The following HP variants were observed in gnomAD, a reference collection of about 807,000 sequenced individuals.
The protein encoded by HP is haptoglobin alpha(1S)-beta.
HP carries 9 observed loss-of-function variants against 23.2 expected under a neutral mutation model. The ratio of observed to expected loss-of-function variants is 0.39; its 90% CI spans 0.23 to 0.68. The LOEUF (loss-of-function observed/expected upper bound fraction) is 0.68, where lower values mean the gene tolerates loss of function less well. HP is among the 30% of genes least tolerant of loss of function. HP has a pLI of 0.47. For synonymous variants in HP, 155 were observed against 183.3 expected (o/e 0.85, Z 1.25); for missense variants, 433 against 483.6 (o/e 0.90, Z 0.98).
chr16:72,054,611 A>G lies in HP; in HGVS notation c.-42A>G. 5 of 1,606,542 alleles carry G rather than the reference A, an allele frequency of 3.1e-6. No individual in the cohort carries two copies. The highest frequency in any genetic ancestry group is 2.2e-5 in the East Asian group (1 of 44,506). On this transcript the variant is annotated 5_prime_UTR_variant, in exon 1 of 7. An upstream start codon of the reference 5' UTR is lost. Transcript: ENST00000355906. ...AGTGGCAGCATAAAAAGACCAGCAGATGCCCCACAGCACTGCTCTTCCAGA... is the reference window on the plus strand; with the variant it reads ...AGTGGCAGCATAAAAAGACCAGCAGGTGCCCCACAGCACTGCTCTTCCAGA...
At chr16:72,059,581 G>A (rs548758006) in intron 6 of HP, 4 of 260,820 alleles carry the variant, frequency 1.5e-5, no homozygotes, top group East Asian at 8.7e-5. Context: ...CCTGCTTCTC[G>A]TTATTAGGAG....
At position 72,060,478 on chromosome 16, in the gene HP, A is replaced by C. The variant is rs1169985313; in HGVS notation, c.809A>C (p.Lys270Thr). 6.2e-7 allele frequency: 1 copy of C among 1,614,160 alleles called. No homozygotes were observed. Among genetic ancestry groups the C allele is most frequent in the African/African-American group, 1.3e-5 (1 of 75,048 alleles). ...ERVMPICLPS[K>T]DYAEVGRVGY... ...GTGATGCCCATCTGCCTACCTTCAAAGGATTATGCAGAAGTAGGGCGTGTG... is the reference window on the plus strand; with the variant it reads ...GTGATGCCCATCTGCCTACCTTCAACGGATTATGCAGAAGTAGGGCGTGTG... The change falls in exon 7 of 7, where the codon AAG becomes ACG. Residue 270 changes from lysine to threonine, a missense_variant. Transcript: ENST00000355906.
rs1458140691 is a variant in HP, at chr16:72,060,101, C to G, written c.443-11C>G. The G allele has an allele frequency of 6.8e-6, 11 of 1,611,296 alleles. No individual in the cohort carries two copies. The highest frequency in any genetic ancestry group is 9.3e-6 in the Non-Finnish European group (11 of 1,178,574). Reference sequence around the variant, plus strand: ...CATTTCCACTCACGAGTGTCTTGCTCTCCTTGACAGTATGTGGGAAGCCCA... The same window carrying G: ...CATTTCCACTCACGAGTGTCTTGCTGTCCTTGACAGTATGTGGGAAGCCCA... On this transcript the variant is annotated splice_polypyrimidine_tract_variant and intron_variant, in intron 6 of 6. Transcript: ENST00000355906.
At chr16:72,055,306 AT>A (rs1182396485) in intron 1 of HP, 3 of 156,042 alleles carry the variant, frequency 1.9e-5, no homozygotes, top group Non-Finnish European at 2.8e-5. Flanking sequence ...TGCCCACCTA[AT>A]TTTTGTATTT....
Position 72,056,626 on chromosome 16 carries a change from GAGATGGTA to G in HP, c.190+1_190+8del. On this transcript the variant is annotated splice_donor_variant and splice_donor_region_variant and coding_sequence_variant and intron_variant, in exon 3 of 7. Transcript: ENST00000355906. LOFTEE classifies it high-confidence loss of function. ...AACTACTACAAACTGCGCACAGAAGGAGATGGTAAGATGTGGACAACTGTCTCCATGCC... is the reference window on the plus strand; with the variant it reads ...AACTACTACAAACTGCGCACAGAAGGAGATGTGGACAACTGTCTCCATGCC... 2 of 1,152,750 alleles carry G rather than the reference GAGATGGTA, an allele frequency of 1.7e-6. No individual in the cohort carries two copies. The highest frequency in any genetic ancestry group is 2.5e-6 in the Non-Finnish European group (2 of 814,326). The allele number at this position is 1,152,750 out of a possible 1,614,324, so 71.4% of individuals were successfully genotyped here.
At position 72,056,850 on chromosome 16, in the gene HP, T is replaced by A; in HGVS notation, c.190+219T>A. ...TTTCTGTTTTGTTAAGGGGAGGCGA[T>A]GCCATGCAGCCTACCTCATGTAAAT... On this transcript the variant is annotated intron_variant, in intron 3 of 6. Coordinates refer to ENST00000355906, the MANE Select transcript of HP (RefSeq NM_005143.5). 1.0e-5 allele frequency: 4 copies of A among 385,124 alleles called. 1 individual carries two copies. The highest frequency in any genetic ancestry group is 9.2e-5 in the South Asian group (4 of 43,568). 23.9% of individuals were successfully genotyped at this position (385,124 alleles called of 1,614,324 possible).
At chr16:72,055,065 C>T (rs8062041) in intron 1 of HP, 114,902 of 304,420 alleles carry the variant, frequency 0.38, 21,806 homozygotes, top group South Asian at 0.47. Context: ...CACACTAATA[C>T]CTGGGATACA....
chr16:72,058,690 G>A (rs1193824009), intron 5 of HP: 1 of 366,600 alleles, frequency 2.7e-6, no homozygotes, highest in Non-Finnish European at 4.8e-6. Flanking sequence ...TTGCTGTCCT[G>A]GCACTGCTCT....
chr16:72,056,611 A>G lies in HP; in HGVS notation c.170A>G (p.Lys57Arg), dbSNP rs1388446000. 7.9e-5 allele frequency: 97 copies of G among 1,234,354 alleles called. No individual in the cohort carries two copies. Among genetic ancestry groups the G allele is most frequent in the Non-Finnish European group, 1.0e-4 (92 of 880,854 alleles). The allele number at this position is 1,234,354 out of a possible 1,614,324, so 76.5% of individuals were successfully genotyped here. The change falls in exon 3 of 7, where the codon AAA (lysine) becomes AGA (arginine). Residue 57 changes from lysine to arginine, a missense_variant. By Grantham distance (26) the Lys-to-Arg change is conservative. Around this residue, in one of 3 missense-constraint regions of HP, gnomAD observed 36 missense variants for 71.3 expected, o/e 0.50. Coordinates refer to ENST00000355906, the MANE Select transcript of HP (RefSeq NM_005143.5). ...CGCTACCAGTGTAAGAACTACTACAAACTGCGCACAGAAGGAGATGGTAAG... is the reference window on the plus strand; with the variant it reads ...CGCTACCAGTGTAAGAACTACTACAGACTGCGCACAGAAGGAGATGGTAAG... ...SVRYQCKNYYKLRTEGDGVYT... is the reference protein window; with the variant it reads ...SVRYQCKNYYRLRTEGDGVYT...
Position 72,060,833 on chromosome 16 carries a change from G to A in HP, c.1164G>A (p.Val388=), listed in dbSNP as rs374539328. The A allele has an allele frequency of 4.5e-5, 73 of 1,612,282 alleles. 1 individual carries two copies. Among genetic ancestry groups the A allele is most frequent in the Middle Eastern group, 3.3e-4 (2 of 6,064 alleles). The change falls in exon 7 of 7, where the codon GTG becomes GTA. Residue 388 remains valine (V), a synonymous_variant. Transcript: ENST00000355906. ...DKSCAVAEYG[V]YVKVTSIQDW... ...GCTGTGCTGTGGCTGAGTATGGTGT[G>A]TATGTGAAGGTGACTTCCATCCAGG...
Position 72,058,301 on chromosome 16 carries a change from C to T in HP, c.313C>T (p.His105Tyr). 1 of 859,214 alleles carries T rather than the reference C, an allele frequency of 1.2e-6. No homozygotes were observed. Among genetic ancestry groups the T allele is most frequent in the South Asian group, 1.4e-5 (1 of 71,810 alleles). 53.2% of individuals were successfully genotyped at this position (859,214 alleles called of 1,614,324 possible). Reference protein sequence around the residue: ...PPEIAHGYVEHSVRYQCKNYY... With the variant: ...PPEIAHGYVEYSVRYQCKNYY... ...CGAGATTGCACATGGCTATGTGGAG[C>T]ACTCGGTTCGCTACCAGTGTAAGAA... Residue 105 changes from histidine to tyrosine, a missense_variant, in exon 5 of 7, where the codon CAC becomes TAC. His to Tyr is a moderately conservative substitution (Grantham distance 83). Around this residue, in one of 3 missense-constraint regions of HP, gnomAD observed 36 missense variants for 71.3 expected, o/e 0.50. Coordinates refer to ENST00000355906, the MANE Select transcript of HP (RefSeq NM_005143.5).
chr16:72,058,562 A>G, intron 5 of HP: 1 of 349,188 alleles, frequency 2.9e-6, no homozygotes, highest in South Asian at 2.4e-5. Context: ...CTGTTTTGTT[A>G]AGGGGAGGCG....
intron 2 of HP, 101 bp from the exon 3 acceptor site, chr16:72,056,429 A>G (rs2041464015): frequency 6.4e-7 from 1 of 1,564,866 alleles, no homozygotes; most frequent in Admixed American, 1.9e-5. Context: ...TCGGGGTGGA[A>G]GGAGATTGAT....
chr16:72,058,935 C>A (rs1352141469), intron 5 of HP, among the ~76,000 whole-genome samples, 179 bp from the exon 6 acceptor site: 1 of 140,704 alleles, frequency 7.1e-6, no homozygotes, highest in African/African-American at 2.9e-5. Context: ...GGCATCCAGG[C>A]ACTTGGCTTC....
chr16:72,056,056 T>C (rs1465093028), intron 1 of HP, 105 bp from the exon 2 acceptor site: 2 of 1,491,424 alleles, frequency 1.3e-6, no homozygotes, highest in African/African-American at 1.4e-5. Context: ...TGTGTGTGTA[T>C]GCATGTGTGT....
chr16:72,055,060 T>C, intron 1 of HP: 1 of 327,954 alleles, frequency 3.0e-6, no homozygotes, highest in South Asian at 4.0e-5. Flanking sequence ...GGATACACAC[T>C]AATACCTGGG....
chr16:72,054,928 C>T (rs1436718738), intron 1 of HP: 7 of 619,694 alleles, frequency 1.1e-5, no homozygotes, highest in Admixed American at 3.0e-5. Flanking sequence ...CATCAGCTCC[C>T]GTGGTAGGCT....
chr16:72,060,093 G>A lies in HP; in HGVS notation c.443-19G>A, dbSNP rs764702850. 1.2e-6 allele frequency: 2 copies of A among 1,609,232 alleles called. No homozygotes were observed. The highest frequency in any genetic ancestry group is 2.2e-5 in the South Asian group (2 of 90,768). On this transcript the variant is annotated intron_variant, in intron 6 of 6. Transcript: ENST00000355906. ...CTCTTGCACATTTCCACTCACGAGTGTCTTGCTCTCCTTGACAGTATGTGG... is the reference window on the plus strand; with the variant it reads ...CTCTTGCACATTTCCACTCACGAGTATCTTGCTCTCCTTGACAGTATGTGG...
Position 72,058,144 on chromosome 16 carries a change from C to G in HP, c.266-110C>G, listed in dbSNP as rs1337749720. 7 of 1,097,586 alleles carry G rather than the reference C, an allele frequency of 6.4e-6. 2 individuals carry two copies. The African/African-American group carries it at 1.4e-4, about 21-fold the overall frequency. 68.0% of individuals were successfully genotyped at this position (1,097,586 alleles called of 1,614,324 possible). A position where few individuals can be genotyped will look rare whatever the true frequency, so the allele number is the denominator to read the frequency against. On this transcript the variant is annotated intron_variant, in intron 4 of 6. Coordinates refer to ENST00000355906, the MANE Select transcript of HP (RefSeq NM_005143.5). ...ATAATACAGTTCGCGAGCTTCTATT[C>G]GGGGTGGAAGGAGATTGATGTGCAG...
Sources: gnomAD v4.1 joint callset for allele counts (sites outside exome capture counted in the v4.1 genomes callset) on GRCh38, gnomAD v4.1.1 for gene constraint, gnomAD v4.1.1 regional missense constraint, MANE v1.5 for transcripts, NCBI Gene and HGNC (gene_info 2026-07-23, HGNC 2026-07-21) for gene names.